TMCO5A: variants seen among roughly 807,000 people sequenced by gnomAD.
The protein encoded by TMCO5A is transmembrane and coiled-coil domains 5A.
TMCO5A carries 34 observed loss-of-function variants against 42.3 expected under a neutral mutation model. The ratio of observed to expected loss-of-function variants is 0.80; its 90% confidence interval spans 0.61 to 1.07. The LOEUF is 1.07. Ranked by LOEUF, TMCO5A falls within the 50% of genes least tolerant of loss-of-function variation. The pLI is 0.00. For missense variants in TMCO5A, 357 were observed against 327.9 expected, an observed-to-expected ratio of 1.09 and a Z score of -0.69; for synonymous variants, 131 against 115.6, an observed-to-expected ratio of 1.13 and a Z score of -0.86.
At chr15:38,006,311 G>A in the TMCO5A span, among the ~76,000 whole-genome samples, 1 of 151,676 alleles carries the variant, frequency 6.6e-6, no homozygotes, top group East Asian at 1.9e-4. Flanking sequence ...TAGCATAGGA[G>A]TGGTGTCTAG....
At chr15:38,036,128 G>T in the TMCO5A span, among the ~76,000 whole-genome samples, 1 of 152,064 alleles carries the variant, frequency 6.6e-6, no homozygotes, top group African/African-American at 2.4e-5. Flanking sequence ...TTCTCAGCTG[G>T]AGCTCTTCCA....
chr15:37,949,152 A>C (rs1016452470), intron 11 of TMCO5A, among the ~76,000 whole-genome samples: 1 of 152,142 alleles, frequency 6.6e-6, no homozygotes, highest in East Asian at 1.9e-4. Context: ...GAAAGAAAAA[A>C]AAATCAAGAC....
chr15:37,976,616 CCTTA>C, the TMCO5A span, among the ~76,000 whole-genome samples: 12 of 151,976 alleles, frequency 7.9e-5, no homozygotes, highest in South Asian at 4.1e-4. Context: ...TTTGTTTCTT[CCTTA>C]CTTTTGTCTG....
the TMCO5A span, among the ~76,000 whole-genome samples, chr15:37,995,355 A>G: frequency 1.3e-5 from 2 of 152,258 alleles, no homozygotes; most frequent in African/African-American, 4.8e-5. Flanking sequence ...AGATTCCAAA[A>G]TAATCAGAGA....
At chr15:37,983,949 T>C in the TMCO5A span, among the ~76,000 whole-genome samples, 19 of 152,238 alleles carry the variant, frequency 1.2e-4, no homozygotes, top group South Asian at 1.5e-3. Context: ...GTCAGGCTGG[T>C]CTCGAACTCC....
intron 11 of TMCO5A, among the ~76,000 whole-genome samples, chr15:37,965,708 A>T (rs557603256): frequency 6.6e-6 from 1 of 152,332 alleles, no homozygotes; most frequent in African/African-American, 2.4e-5. Context: ...CTACAATGAG[A>T]TATCATCTCA....
chr15:38,006,352 A>G, the TMCO5A span, among the ~76,000 whole-genome samples: 3 of 152,160 alleles, frequency 2.0e-5, no homozygotes, highest in African/African-American at 7.2e-5. Flanking sequence ...CAGGGAAAGT[A>G]TTGAAATGTT....
the TMCO5A span, among the ~76,000 whole-genome samples, chr15:38,008,605 T>C: frequency 6.6e-6 from 1 of 152,262 alleles, no homozygotes; most frequent in East Asian, 1.9e-4. Context: ...AAGCATTCAC[T>C]AAATACCAAT....
chr15:37,960,133 T>C (rs1890385626), intron 11 of TMCO5A, among the ~76,000 whole-genome samples: 1 of 151,722 alleles, frequency 6.6e-6, no homozygotes, highest in Admixed American at 6.6e-5. Flanking sequence ...TGCACTACAT[T>C]TGCAGTCTTT....
chr15:37,988,656 T>G, the TMCO5A span, among the ~76,000 whole-genome samples: 23 of 152,216 alleles, frequency 1.5e-4, no homozygotes, highest in African/African-American at 4.1e-4. Context: ...CATTGATCAA[T>G]TTTCACATGT....
chr15:38,006,306 T>C, the TMCO5A span, among the ~76,000 whole-genome samples: 1 of 151,918 alleles, frequency 6.6e-6, no homozygotes, highest in African/African-American at 2.4e-5. Flanking sequence ...TGATATAGCA[T>C]AGGAGTGGTG....
At chr15:37,955,381 C>G (rs893245273), downstream of TMCO5A, among the ~76,000 whole-genome samples, 4 of 151,692 alleles carry the variant, frequency 2.6e-5, no homozygotes, top group Non-Finnish European at 4.4e-5. Context: ...AAGCTCAGGA[C>G]CTGATGACTT....
At chr15:37,986,369 G>A in the TMCO5A span, among the ~76,000 whole-genome samples, 1 of 148,658 alleles carries the variant, frequency 6.7e-6, no homozygotes, top group East Asian at 2.0e-4. Flanking sequence ...GAGCCAAGGG[G>A]GGTAAGGGAT....
the TMCO5A span, among the ~76,000 whole-genome samples, chr15:37,979,190 C>G: frequency 6.6e-6 from 1 of 151,994 alleles, no homozygotes; most frequent in African/African-American, 2.4e-5. Context: ...CAGGACCTGC[C>G]TGGAACACAG....
At chr15:37,984,546 G>A in the TMCO5A span, among the ~76,000 whole-genome samples, 1 of 152,112 alleles carries the variant, frequency 6.6e-6, no homozygotes, top group African/African-American at 2.4e-5. Context: ...TTGTTGACTG[G>A]TTGTTATGGT....
At chr15:38,018,227 A>C in the TMCO5A span, among the ~76,000 whole-genome samples, 1 of 152,208 alleles carries the variant, frequency 6.6e-6, no homozygotes, top group African/African-American at 2.4e-5. Context: ...ACAGTAATAG[A>C]CAACAAAGAA....
the TMCO5A span, among the ~76,000 whole-genome samples, chr15:37,976,652 A>G: frequency 6.6e-6 from 1 of 152,212 alleles, no homozygotes; most frequent in South Asian, 2.1e-4. Flanking sequence ...TCAGAGAAGT[A>G]GTTTTTGAAC....
At chr15:37,937,045 C>A in intron 4 of TMCO5A, 75 bp downstream of exon 4, 1 of 1,573,986 alleles carries the variant, frequency 6.4e-7, no homozygotes, top group Non-Finnish European at 8.6e-7. Context: ...ATCAGATAAG[C>A]TTGTCTCTCC....
chr15:37,985,205 CAAT>C, the TMCO5A span, among the ~76,000 whole-genome samples: 1 of 152,178 alleles, frequency 6.6e-6, no homozygotes, highest in African/African-American at 2.4e-5. Flanking sequence ...TCAAAGAAGT[CAAT>C]AAAAGCTCCC....
Sources: allele counts gnomAD v4.1 joint callset (sites outside exome capture counted in the v4.1 genomes callset), GRCh38; gene constraint gnomAD v4.1.1; transcripts MANE v1.5; gene names NCBI Gene and HGNC (gene_info 2026-07-23, HGNC 2026-07-21).